RRM2: variants seen among roughly 807,000 people sequenced by gnomAD.
RRM2 encodes the protein ribonucleotide reductase regulatory subunit M2, also known as ribonucleoside-diphosphate reductase subunit M2.
A neutral mutation model predicts 45.9 loss-of-function variants in RRM2; 6 were observed. The ratio of observed to expected loss-of-function variants is 0.13; its 90% CI spans 0.07 to 0.26. The LOEUF is 0.26. Among genes scored for constraint, RRM2 ranks in the 10% least tolerant of loss-of-function variants. RRM2 has a pLI of 1.00. For synonymous variants in RRM2, 177 were observed against 173.0 expected (o/e 1.02, Z -0.18); for missense variants, 343 against 489.5 (o/e 0.70, Z 2.82).
At chr2:10,203,272 G>A (rs1288241275) in intron 3 of RRM2, among the ~76,000 whole-genome samples, 1 of 152,170 alleles carries the variant, frequency 6.6e-6, no homozygotes, top group Non-Finnish European at 1.5e-5. Context: ...CCCAGGGGTG[G>A]TGTGGCTTAA....
chr2:10,169,811 G>C lies in RRM2; in HGVS notation n.482+27436G>C, dbSNP rs763613005. On this transcript the variant is annotated intron_variant and non_coding_transcript_variant, in intron 3 of 3. Coordinates refer to the RRM2 transcript ENST00000381786. This position sits in a 1 kb window ranked among gnomAD's most constrained non-coding sequence, Gnocchi z 5.1. ...AGGCCAGGGGGGATGGCAGCCCCCGGGGATCTGAGGAAGTCTGGGAGCTGG... is the reference window on the plus strand; with the variant it reads ...AGGCCAGGGGGGATGGCAGCCCCCGCGGATCTGAGGAAGTCTGGGAGCTGG... 2.0e-4 allele frequency among the ~76,000 whole-genome samples: 30 copies of C among 152,316 alleles called. No homozygotes were observed. The highest frequency in any genetic ancestry group is 3.2e-4 in the Non-Finnish European group (22 of 68,022).
At chr2:10,177,861 A>T (rs1663963211) in intron 3 of RRM2, among the ~76,000 whole-genome samples, 1 of 150,740 alleles carries the variant, frequency 6.6e-6, no homozygotes, top group Admixed American at 6.6e-5. Flanking sequence ...ACTTAAGGTG[A>T]TCCACCCGCC....
chr2:10,210,294 C>A, intron 3 of RRM2: 1 of 1,359,484 alleles, frequency 7.4e-7, no homozygotes, highest in Non-Finnish European at 9.8e-7. Context: ...CCAAATCTTT[C>A]TTTCCTGTCC....
chr2:10,173,264 C>T (rs1663840590), intron 3 of RRM2, among the ~76,000 whole-genome samples: 1 of 152,196 alleles, frequency 6.6e-6, no homozygotes, highest in South Asian at 2.1e-4. Flanking sequence ...ATTATTCTTT[C>T]TCTTCTCTCT....
chr2:10,146,124 C>A (rs1663181149), intron 3 of RRM2: 2 of 152,276 alleles, frequency 1.3e-5, no homozygotes, highest in Non-Finnish European at 2.9e-5. Context: ...CCATCCCTAG[C>A]CCCTTCTGGG....
chr2:10,133,229 A>G (rs528618497), downstream of RRM2, among the ~76,000 whole-genome samples: 2 of 152,308 alleles, frequency 1.3e-5, no homozygotes, highest in Admixed American at 6.5e-5. Flanking sequence ...CATGTTCCAG[A>G]TGTGTTTTCT....
At chr2:10,152,400 G>T (rs138494310) in intron 3 of RRM2, among the ~76,000 whole-genome samples, 1 of 150,192 alleles carries the variant, frequency 6.7e-6, no homozygotes. Context: ...TTTTGAAAAA[G>T]TAAAAGACTT....
intron 3 of RRM2, among the ~76,000 whole-genome samples, chr2:10,147,556 G>A (rs749773148): frequency 7.2e-5 from 11 of 152,102 alleles, no homozygotes; most frequent in Non-Finnish European, 1.5e-4. Context: ...GAGCCACCAC[G>A]CCCGGCTAGA....
chr2:10,196,858 C>T (rs1664426424), intron 3 of RRM2, among the ~76,000 whole-genome samples: 1 of 152,190 alleles, frequency 6.6e-6, no homozygotes, highest in Non-Finnish European at 1.5e-5. Context: ...GTCCCCTGCC[C>T]CCTGATGGGA....
At chr2:10,186,407 G>A (rs1664167661) in intron 3 of RRM2, among the ~76,000 whole-genome samples, 2 of 151,252 alleles carry the variant, frequency 1.3e-5, no homozygotes, top group South Asian at 2.1e-4. Flanking sequence ...CACCCACCTC[G>A]GCCTCCCAAA....
At chr2:10,138,787 C>T (rs1196569791), upstream of RRM2, among the ~76,000 whole-genome samples, 1 of 152,196 alleles carries the variant, frequency 6.6e-6, no homozygotes, top group Non-Finnish European at 1.5e-5. Context: ...AACTTTTTCA[C>T]GTGCCATTCA....
At chr2:10,191,843 G>C (rs1474064069) in intron 3 of RRM2, among the ~76,000 whole-genome samples, 1 of 152,190 alleles carries the variant, frequency 6.6e-6, no homozygotes, top group Non-Finnish European at 1.5e-5. Context: ...TGCTGCGGAG[G>C]TAGGAGTTTG....
Position 10,185,269 on chromosome 2 carries a change from G to A in RRM2, n.483-25042G>A, listed in dbSNP as rs912849257. On this transcript the variant is annotated intron_variant and non_coding_transcript_variant, in intron 3 of 3. Transcript: ENST00000381786. The surrounding 1 kb of genome is among the most constrained non-coding windows in gnomAD (Gnocchi z 4.3). The stretch of plus-strand genomic sequence containing the variant: ...AGAGAGAGCGTGAAAGCGAGACAGA[G>A]CGTGAGAGTGAGAGAGAGAGAGAGA... Among the ~76,000 whole-genome samples the A allele has an allele frequency of 2.1e-5, 3 of 140,122 alleles. No homozygotes were observed. The highest frequency in any genetic ancestry group is 1.7e-5 in the Non-Finnish European group (1 of 60,236). 91.9% of individuals were successfully genotyped at this position (140,122 alleles called of 152,430 possible). A position where few individuals can be genotyped will look rare whatever the true frequency, so the allele number is the denominator to read the frequency against.
At chr2:10,194,100 G>T (rs928711564) in intron 3 of RRM2, among the ~76,000 whole-genome samples, 1 of 152,082 alleles carries the variant, frequency 6.6e-6, no homozygotes, top group Non-Finnish European at 1.5e-5. Context: ...ACTCCAAAAC[G>T]CCTCATTTCA....
At chr2:10,209,054 T>TTTCTTTCTTTCTTTCTTTCTTTCG in intron 3 of RRM2, among the ~76,000 whole-genome samples, 1 of 145,440 alleles carries the variant, frequency 6.9e-6, no homozygotes, top group East Asian at 2.0e-4. Flanking sequence ...TCTTTCTTTC[T>TTTCTTTCTTTCTTTCTTTCTTTCG]TTCTTTTTTT....
At chr2:10,143,152 CG>C (rs1558386387) in intron 3 of RRM2, among the ~76,000 whole-genome samples, 2 of 152,242 alleles carry the variant, frequency 1.3e-5, no homozygotes, top group Non-Finnish European at 2.9e-5. Flanking sequence ...GGATTACAGG[CG>C]TGAGCCACCA....
At chr2:10,202,773 G>A (rs1420456033) in intron 3 of RRM2, among the ~76,000 whole-genome samples, 1 of 152,114 alleles carries the variant, frequency 6.6e-6, no homozygotes, top group Non-Finnish European at 1.5e-5. Context: ...TAATCAAGAG[G>A]AACTTAAAAT....
At chr2:10,123,273 G>T in intron 2 of RRM2, 114 bp from the exon 3 acceptor site, 1 of 1,384,054 alleles carries the variant, frequency 7.2e-7, no homozygotes, top group Non-Finnish European at 9.7e-7. Context: ...GGACAGCCAC[G>T]TTTTCACATC....
chr2:10,163,148 A>C (rs530476936), intron 3 of RRM2, among the ~76,000 whole-genome samples: 8 of 152,210 alleles, frequency 5.3e-5, no homozygotes, highest in Non-Finnish European at 7.3e-5. Context: ...GGAGTGTGAA[A>C]GTCAAGCTGA....
Sources: allele counts gnomAD v4.1 joint callset (sites outside exome capture counted in the v4.1 genomes callset), GRCh38; gene constraint gnomAD v4.1.1; non-coding constraint Gnocchi (gnomAD v3.1); transcripts MANE v1.5; gene names NCBI Gene and HGNC (gene_info 2026-07-23, HGNC 2026-07-21).